The following ATP9A variants were observed in gnomAD, a reference collection of about 807,000 sequenced individuals.
ATP9A encodes the protein ATPase phospholipid transporting 9A, also known as probable phospholipid-transporting ATPase IIA.
A neutral mutation model predicts 144.1 loss-of-function variants in ATP9A; 52 were observed. The observed-to-expected ratio is 0.36, with a 90% CI of 0.29 to 0.45. The LOEUF (loss-of-function observed/expected upper bound fraction) is 0.45. Ranked by LOEUF, ATP9A falls within the 20% of genes least tolerant of loss-of-function variation. The probability of loss-of-function intolerance (pLI) is 1.00; values close to 1 mark genes in which losing one functional copy is unlikely to be tolerated. For synonymous variants in ATP9A, 582 were observed against 557.4 expected, an observed-to-expected ratio of 1.04 and a Z score of -0.62; for missense variants, 947 against 1,392.7, an observed-to-expected ratio of 0.68 and a Z score of 5.09.
intron 1 of ATP9A, among the ~76,000 whole-genome samples, chr20:51,749,543 C>T (rs558697671): frequency 2.6e-5 from 4 of 152,208 alleles, no homozygotes; most frequent in East Asian, 3.9e-4. Context: ...GGATTATAGG[C>T]GTGAGCCACT....
intron 4 of ATP9A, among the ~76,000 whole-genome samples, chr20:51,710,656 G>A (rs997633220): frequency 6.6e-6 from 1 of 151,676 alleles, no homozygotes; most frequent in Non-Finnish European, 1.5e-5. Context: ...ACTGTGTTCT[G>A]TTTTCCCTAG....
intron 14 of ATP9A, among the ~76,000 whole-genome samples, chr20:51,651,937 A>C (rs2077368451): frequency 6.6e-6 from 1 of 152,190 alleles, no homozygotes; most frequent in African/African-American, 2.4e-5. Flanking sequence ...GGCCAAAAAA[A>C]GAAAAAAAGT....
At chr20:51,628,885 C>G (rs73616810) in intron 16 of ATP9A, 95 bp downstream of exon 16, 1 of 1,038,206 alleles carries the variant, frequency 9.6e-7, no homozygotes, top group South Asian at 1.4e-5. Context: ...ACACAGCCAC[C>G]GATAACAAAT....
chr20:51,619,067 A>G, intron 19 of ATP9A, 24 bp from the exon 20 acceptor site: 5 of 1,595,268 alleles, frequency 3.1e-6, no homozygotes, highest in Non-Finnish European at 4.3e-6. Flanking sequence ...GAGATGGGGA[A>G]GGAGGCATTG....
intron 1 of ATP9A, among the ~76,000 whole-genome samples, chr20:51,765,108 G>A (rs2077897907): frequency 6.6e-6 from 1 of 152,092 alleles, no homozygotes; most frequent in Admixed American, 6.6e-5. Flanking sequence ...CCAGCAGACA[G>A]CCTGACCCAT....
At chr20:51,738,442 G>A (rs980194016) in intron 1 of ATP9A, among the ~76,000 whole-genome samples, 5 of 152,026 alleles carry the variant, frequency 3.3e-5, no homozygotes, top group Non-Finnish European at 7.4e-5. Context: ...AGTGACTCAC[G>A]CCTGTAATCC....
At chr20:51,711,049 CA>C (rs1259794769) in intron 4 of ATP9A, among the ~76,000 whole-genome samples, 2 of 152,000 alleles carry the variant, frequency 1.3e-5, no homozygotes, top group Non-Finnish European at 2.9e-5. Flanking sequence ...GAACCACACA[CA>C]AAAAAAGCCC....
At chr20:51,647,879 T>C (rs1221122005) in intron 14 of ATP9A, among the ~76,000 whole-genome samples, 1 of 152,240 alleles carries the variant, frequency 6.6e-6, no homozygotes, top group Non-Finnish European at 1.5e-5. Flanking sequence ...CTACAGTGTC[T>C]GTAAAACACT....
intron 27 of ATP9A, among the ~76,000 whole-genome samples, 187 bp from the exon 28 acceptor site, chr20:51,601,534 G>A (rs929671515): frequency 6.6e-6 from 1 of 152,160 alleles, no homozygotes. Flanking sequence ...AGCACACAGC[G>A]CCGCAGCTTG....
At chr20:51,612,627 G>A (rs772240362) in intron 23 of ATP9A, among the ~76,000 whole-genome samples, 14 of 152,098 alleles carry the variant, frequency 9.2e-5, no homozygotes, top group East Asian at 1.9e-4. Flanking sequence ...ATTTCACCAC[G>A]TTCACCAGAC....
Position 51,601,236 on chromosome 20 carries a change from G to C in ATP9A, c.3119C>G (p.Pro1040Arg). The C allele has an allele frequency of 1.9e-6, 3 of 1,613,566 alleles. No individual in the cohort carries two copies. Among genetic ancestry groups the C allele is most frequent in the Non-Finnish European group, 1.7e-6 (2 of 1,179,714 alleles). ...CTATGATGTGAGCTTTGAGTAGCTG[G>C]GGGGAGAGAACCGTCTTCGCAGGTA... ...LKYLRRRFSP[P>R]SYSKLTS Residue 1040 changes from proline to arginine, a missense_variant, in exon 28 of 28, where the codon CCC (proline) becomes CGC (arginine). By Grantham distance (103) the Pro-to-Arg change is moderately radical (BLOSUM62 -2). Coordinates refer to ENST00000338821, the MANE Select transcript of ATP9A (RefSeq NM_006045.3).
At chr20:51,676,263 C>T in intron 9 of ATP9A, 55 bp from the exon 10 acceptor site, 2 of 1,386,626 alleles carry the variant, frequency 1.4e-6, no homozygotes, top group South Asian at 1.3e-5. Context: ...TACAGACAGG[C>T]AGGCTTGCAA....
chr20:51,649,712 C>G (rs533398629), intron 14 of ATP9A, among the ~76,000 whole-genome samples: 2 of 152,032 alleles, frequency 1.3e-5, no homozygotes, highest in South Asian at 2.1e-4. Flanking sequence ...GTCAGGAGCT[C>G]GAGACCAGCC....
At chr20:51,762,194 G>A (rs58464110) in intron 1 of ATP9A, among the ~76,000 whole-genome samples, 3,864 of 152,076 alleles carry the variant, frequency 0.025, 58 homozygotes, top group East Asian at 0.061. Flanking sequence ...GTGAAGCCCC[G>A]TCTCTACCAA....
At chr20:51,727,007 T>C (rs1038667489) in intron 2 of ATP9A, among the ~76,000 whole-genome samples, 3 of 149,226 alleles carry the variant, frequency 2.0e-5, no homozygotes, top group Non-Finnish European at 4.4e-5. Flanking sequence ...TAAAAAGTTA[T>C]GTCCAGCCAG....
In ATP9A at chr20:51,657,080, C is replaced by T. The variant is rs1182723446; in HGVS notation, c.1364G>A (p.Arg455His). ...GATGGCCTTCACGGCTTCGTGCACG[C>T]GGCTGCTCATGGTCCGCCGGACCTT... Reference protein sequence around the residue: ...TTKVRRTMSSRVHEAVKAIAL... With the variant: ...TTKVRRTMSSHVHEAVKAIAL... The change falls in exon 14 of 28, where the codon CGC becomes CAC. Residue 455 changes from arginine to histidine, a missense_variant. Around this residue, in one of 2 missense-constraint regions of ATP9A, gnomAD observed 770 missense variants for 1,047.9 expected, o/e 0.73. Coordinates refer to ENST00000338821, the MANE Select transcript of ATP9A (RefSeq NM_006045.3). 4 of 1,614,060 alleles carry T rather than the reference C, an allele frequency of 2.5e-6. No individual in the cohort carries two copies. The highest frequency in any genetic ancestry group is 1.3e-5 in the African/African-American group (1 of 74,938).
chr20:51,739,545 A>T (rs1311172097), intron 1 of ATP9A, among the ~76,000 whole-genome samples: 2 of 151,718 alleles, frequency 1.3e-5, no homozygotes, highest in Non-Finnish European at 2.9e-5. Context: ...TAGCAGAGAC[A>T]GGGTTTCACC....
chr20:51,765,328 A>G (rs2077898811), intron 1 of ATP9A, among the ~76,000 whole-genome samples: 1 of 152,180 alleles, frequency 6.6e-6, no homozygotes, highest in Non-Finnish European at 1.5e-5. Context: ...CAACCCTGAT[A>G]CACAATTTGA....
chr20:51,729,334 A>T (rs1056060760), intron 2 of ATP9A, among the ~76,000 whole-genome samples: 1 of 93,756 alleles, frequency 1.1e-5, no homozygotes, highest in Non-Finnish European at 2.2e-5. Context: ...TGCCCCCTCC[A>T]CCCCACCCCA....
Sources: gnomAD v4.1 joint callset for allele counts (sites outside exome capture counted in the v4.1 genomes callset) on GRCh38, gnomAD v4.1.1 for gene constraint, gnomAD v4.1.1 regional missense constraint, MANE v1.5 for transcripts, NCBI Gene and HGNC (gene_info 2026-07-23, HGNC 2026-07-21) for gene names.